The following SMOC2 variants were observed in gnomAD, a reference collection of about 807,000 sequenced individuals.
SMOC2 encodes the protein SPARC-related modular calcium-binding protein 2.
In SMOC2, 39 loss-of-function variants were observed where a neutral mutation model predicts 61.4. The ratio of observed to expected loss-of-function variants is 0.64; its 90% CI spans 0.49 to 0.83. The LOEUF (loss-of-function observed/expected upper bound fraction) is 0.83, where lower values mean the gene tolerates loss of function less well. Among genes scored for constraint, SMOC2 ranks in the 40% least tolerant of loss-of-function variants. The pLI is 0.00. For synonymous variants in SMOC2, 247 were observed against 239.9 expected (o/e 1.03, Z -0.27); for missense variants, 556 against 592.9 (o/e 0.94, Z 0.65).
At chr6:168,454,693 G>A (rs1163033731) in intron 1 of SMOC2, among the ~76,000 whole-genome samples, 1 of 152,120 alleles carries the variant, frequency 6.6e-6, no homozygotes, top group Non-Finnish European at 1.5e-5. Context: ...AAAGGGAAAA[G>A]AAAACCCACT....
intron 1 of SMOC2, among the ~76,000 whole-genome samples, chr6:168,507,596 C>T (rs1489568815): frequency 1.3e-5 from 2 of 152,322 alleles, no homozygotes; most frequent in East Asian, 3.9e-4. Context: ...GCCCCCGGGG[C>T]GCCCCCCACT....
At chr6:168,518,520 CAT>C (rs1481704155) in intron 2 of SMOC2, among the ~76,000 whole-genome samples, 2 of 143,758 alleles carry the variant, frequency 1.4e-5, no homozygotes, top group African/African-American at 5.2e-5. Context: ...TGTAAATGTG[CAT>C]GTGTGGATGT....
chr6:168,547,142 G>T lies in SMOC2; in HGVS notation c.535G>T (p.Glu179Ter), dbSNP rs775673804. The change falls in exon 6 of 13, where the codon GAG becomes TAG. Residue 179 changes from glutamate (E) to a stop codon, truncating the protein, a stop_gained. Coordinates refer to ENST00000356284, the MANE Select transcript of SMOC2 (RefSeq NM_001166412.2). LOFTEE classifies it high-confidence loss of function. ...AGATGATGCCGCAGCTCCAGCGTTGGAGACTCAGCCTCAAGGAGATGAAGA... is the reference window on the plus strand; with the variant it reads ...AGATGATGCCGCAGCTCCAGCGTTGTAGACTCAGCCTCAAGGAGATGAAGA... ...KTDDAAAPAL[E>*]TQPQGDEEDI... The T allele has an allele frequency of 6.2e-7, 1 of 1,613,930 alleles. No homozygotes were observed. Among genetic ancestry groups the T allele is most frequent in the Non-Finnish European group, 8.5e-7 (1 of 1,180,024 alleles).
At chr6:168,442,392 A>C (rs986610778) in intron 1 of SMOC2, among the ~76,000 whole-genome samples, 1 of 152,258 alleles carries the variant, frequency 6.6e-6, no homozygotes, top group African/African-American at 2.4e-5. Flanking sequence ...CGGCCAAGCC[A>C]ACCCGCGGCG....
At chr6:168,575,795 T>A (rs1035721448) in intron 7 of SMOC2, among the ~76,000 whole-genome samples, 1 of 152,236 alleles carries the variant, frequency 6.6e-6, no homozygotes, top group Non-Finnish European at 1.5e-5. Context: ...TTCCAGTGGC[T>A]GCTCCAGACT....
rs188063654 is a variant in SMOC2 at position 168,531,909 on chromosome 6, G to A, written c.463+4182G>A. Among the ~76,000 whole-genome samples the A allele has an allele frequency of 2.9e-3, 443 of 152,256 alleles. 4 individuals are homozygous for A. The highest frequency in any genetic ancestry group is 5.5e-3 in the Non-Finnish European group (372 of 68,020). On this transcript the variant is annotated intron_variant, in intron 4 of 12. Transcript: ENST00000356284. Reference sequence around the variant, plus strand: ...ATTTACACTTGGCTGGAAGTCGGGCGTAGGAGAATGTGGGCAGAGATGGTC... The same window carrying A: ...ATTTACACTTGGCTGGAAGTCGGGCATAGGAGAATGTGGGCAGAGATGGTC...
intron 1 of SMOC2, among the ~76,000 whole-genome samples, chr6:168,476,555 TTTTG>T: frequency 6.6e-6 from 1 of 152,114 alleles, no homozygotes; most frequent in Admixed American, 6.5e-5. Flanking sequence ...TTTTAAAATA[TTTTG>T]TTTGAAAATA....
At chr6:168,626,725 C>T (rs922143849) in intron 9 of SMOC2, among the ~76,000 whole-genome samples, 7 of 152,220 alleles carry the variant, frequency 4.6e-5, no homozygotes, top group African/African-American at 9.7e-5. Context: ...CTGTGTTTAA[C>T]GGCCTGTGTA....
At position 168,575,640 on chromosome 6, in the gene SMOC2, A is replaced by C. The variant is rs960144085; in HGVS notation, c.638-23178A>C. On this transcript the variant is annotated intron_variant, in intron 7 of 12. Transcript: ENST00000356284. ...TGGGATGCAGAACACAGGCAGAGCC[A>C]TTTGAACCAGCCAAAAACATCCAAA... Among the ~76,000 whole-genome samples, 6 of 152,342 alleles carry C rather than the reference A, an allele frequency of 3.9e-5. No homozygotes were observed. In the East Asian group the frequency reaches 1.2e-3, roughly 29 times the overall value.
intron 1 of SMOC2, among the ~76,000 whole-genome samples, chr6:168,482,065 A>G (rs928781036): frequency 2.0e-5 from 3 of 151,934 alleles, no homozygotes; most frequent in Admixed American, 2.0e-4. Flanking sequence ...GAAATAGAAA[A>G]CAGAAAAATA....
At chr6:168,457,690 C>T (rs1781618922) in intron 1 of SMOC2, among the ~76,000 whole-genome samples, 1 of 150,104 alleles carries the variant, frequency 6.7e-6, no homozygotes, top group South Asian at 2.2e-4. Flanking sequence ...CCCACGAGTA[C>T]ATGTGGTGCC....
At chr6:168,624,721 GAC>G (rs1159660819) in intron 9 of SMOC2, among the ~76,000 whole-genome samples, 5 of 150,796 alleles carry the variant, frequency 3.3e-5, no homozygotes, top group African/African-American at 2.4e-5. Context: ...CACAGACACA[GAC>G]ACACAGACAC....
At chr6:168,507,205 C>T (rs1255948423) in intron 1 of SMOC2, among the ~76,000 whole-genome samples, 1 of 152,204 alleles carries the variant, frequency 6.6e-6, no homozygotes, top group Non-Finnish European at 1.5e-5. Flanking sequence ...TCAGCATCTC[C>T]TCACTTAGGG....
At chr6:168,555,136 G>A (rs528474921) in intron 7 of SMOC2, among the ~76,000 whole-genome samples, 1 of 152,212 alleles carries the variant, frequency 6.6e-6, no homozygotes, top group Non-Finnish European at 1.5e-5. Flanking sequence ...GGCTCCTCTC[G>A]GCCTCGCCCT....
intron 8 of SMOC2, among the ~76,000 whole-genome samples, chr6:168,601,344 C>T (rs906466644): frequency 6.6e-6 from 1 of 152,230 alleles, no homozygotes; most frequent in African/African-American, 2.4e-5. Flanking sequence ...ACCGCCTGCT[C>T]TCGACACCCC....
At chr6:168,468,220 G>A (rs1291806691) in intron 1 of SMOC2, among the ~76,000 whole-genome samples, 1 of 152,190 alleles carries the variant, frequency 6.6e-6, no homozygotes, top group African/African-American at 2.4e-5. Context: ...TATATCGAGG[G>A]ACACAGGGCG....
chr6:168,557,338 A>C (rs1353806903), intron 7 of SMOC2, among the ~76,000 whole-genome samples: 1 of 152,242 alleles, frequency 6.6e-6, no homozygotes, highest in Non-Finnish European at 1.5e-5. Flanking sequence ...TAACTTACCA[A>C]AAATATGCAT....
chr6:168,547,634 C>T (rs4708749), intron 6 of SMOC2, among the ~76,000 whole-genome samples: 5 of 151,784 alleles, frequency 3.3e-5, no homozygotes, highest in Non-Finnish European at 5.9e-5. Context: ...CCACACGCCC[C>T]TGAAGTAACT....
intron 11 of SMOC2, among the ~76,000 whole-genome samples, chr6:168,656,050 T>C (rs1299857791): frequency 6.6e-6 from 1 of 152,272 alleles, no homozygotes; most frequent in Non-Finnish European, 1.5e-5. Flanking sequence ...TCACTGTCCT[T>C]GGGGATCTGT....
Sources: gnomAD v4.1 joint callset for allele counts (sites outside exome capture counted in the v4.1 genomes callset) on GRCh38, gnomAD v4.1.1 for gene constraint, MANE v1.5 for transcripts, NCBI Gene and HGNC (gene_info 2026-07-23, HGNC 2026-07-21) for gene names.